Variants in LMO7 observed in about 807,000 individuals in gnomAD.
The protein encoded by LMO7 is LIM domain 7.
Under a neutral mutation model 206.5 loss-of-function variants are expected in LMO7, and 120 were observed. That is an observed-to-expected ratio of 0.58 (90% CI 0.50 to 0.68). LMO7 has a LOEUF of 0.68. LMO7 is among the 30% of genes least tolerant of loss of function. LMO7 has a pLI of 0.00. For synonymous variants in LMO7, 706 were observed against 681.5 expected (o/e 1.04, Z -0.56); for missense variants, 1,959 against 1,957.9 (o/e 1.00, Z -0.01).
At chr13:75,731,642 A>C (rs2045236871) in intron 3 of LMO7, among the ~76,000 whole-genome samples, 2 of 151,316 alleles carry the variant, frequency 1.3e-5, no homozygotes, top group South Asian at 4.2e-4. Context: ...TAAAGTTAAT[A>C]TTGTTATGTG....
intron 16 of LMO7, among the ~76,000 whole-genome samples, 155 bp from the exon 17 acceptor site, chr13:75,834,071 A>G (rs1201052375): frequency 3.3e-5 from 5 of 152,202 alleles, no homozygotes; most frequent in Admixed American, 1.3e-4. Flanking sequence ...TGTTGTACTC[A>G]GATATTTGGT....
chr13:75,636,900 C>T (rs2035943567), intron 1 of LMO7, among the ~76,000 whole-genome samples, 174 bp downstream of exon 1: 1 of 152,230 alleles, frequency 6.6e-6, no homozygotes, highest in African/African-American at 2.4e-5. Flanking sequence ...TCTGCCGCTC[C>T]TGCATCTTAT....
chr13:75,698,199 A>G (rs2042030664), intron 1 of LMO7, among the ~76,000 whole-genome samples: 1 of 152,238 alleles, frequency 6.6e-6, no homozygotes, highest in South Asian at 2.1e-4. Flanking sequence ...AGAATTTCAT[A>G]TTAAAATATT....
chr13:75,840,458 A>G lies in LMO7; in HGVS notation c.3545A>G (p.Gln1182Arg). 6.2e-7 allele frequency: 1 copy of G among 1,614,006 alleles called. No homozygotes were observed. The highest frequency in any genetic ancestry group is 8.5e-7 in the Non-Finnish European group (1 of 1,179,968). The change falls in exon 22 of 31, where the codon CAG (glutamine) becomes CGG (arginine). Residue 1182 changes from glutamine to arginine, a missense_variant. By Grantham distance (43) the Gln-to-Arg change is conservative (BLOSUM62 1). Coordinates refer to ENST00000377534, the MANE Select transcript of LMO7 (RefSeq NM_001306080.2). ...VWDQEEERKR[Q>R]ERWQKEQDRL... is the part of the protein sequence containing the mutation. Reference sequence around the variant, plus strand: ...GATCAAGAGGAGGAGCGGAAGCGGCAGGAGAGGTGGCAGAAGGAGCAGGAC... The same window carrying G: ...GATCAAGAGGAGGAGCGGAAGCGGCGGGAGAGGTGGCAGAAGGAGCAGGAC...
chr13:75,677,521 TTACATAATCCAGCCAAA>T (rs1398031906), intron 1 of LMO7, among the ~76,000 whole-genome samples: 7 of 152,258 alleles, frequency 4.6e-5, no homozygotes, highest in African/African-American at 7.2e-5. Context: ...ACATGTGAAG[TTACATAATCCAGCCAAA>T]TACATAATCC....
chr13:75,826,463 T>C (rs139129810), intron 15 of LMO7, among the ~76,000 whole-genome samples: 5 of 152,346 alleles, frequency 3.3e-5, no homozygotes, highest in African/African-American at 1.2e-4. Context: ...ACTTGCCTGA[T>C]GCCAGGTTGG....
intron 1 of LMO7, among the ~76,000 whole-genome samples, chr13:75,679,915 T>C (rs1235956130): frequency 2.0e-5 from 3 of 152,188 alleles, no homozygotes; most frequent in Non-Finnish European, 2.9e-5. Context: ...AATTTTTATT[T>C]TATTTTAAGT....
chr13:75,809,113 G>T (rs1159632168), intron 10 of LMO7, 41 bp from the exon 11 acceptor site: 3 of 1,513,244 alleles, frequency 2.0e-6, no homozygotes, highest in Non-Finnish European at 2.8e-6. Flanking sequence ...AATATGACTG[G>T]GAAAAATGAC....
chr13:75,676,478 A>T (rs533813768), intron 1 of LMO7, among the ~76,000 whole-genome samples: 1 of 152,320 alleles, frequency 6.6e-6, no homozygotes, highest in African/African-American at 2.4e-5. Context: ...GAACCTTCTA[A>T]GCAATGTGGT....
At chr13:75,747,044 G>A (rs1213337797) in intron 3 of LMO7, among the ~76,000 whole-genome samples, 2 of 152,036 alleles carry the variant, frequency 1.3e-5, no homozygotes, top group Non-Finnish European at 2.9e-5. Flanking sequence ...AAGCAATAAA[G>A]TGTAGCTAAT....
intron 1 of LMO7, among the ~76,000 whole-genome samples, chr13:75,678,656 C>T (rs1453496539): frequency 1.3e-5 from 2 of 152,200 alleles, no homozygotes; most frequent in Non-Finnish European, 2.9e-5. Context: ...CTCCTCCTCT[C>T]AGTGTACACA....
chr13:75,819,289 T>C, intron 12 of LMO7, 104 bp from the exon 13 acceptor site: 1 of 1,328,776 alleles, frequency 7.5e-7, no homozygotes, highest in Non-Finnish European at 1.0e-6. Flanking sequence ...CCAGTTGGAG[T>C]GAATAGTTTC....
At chr13:75,683,521 C>A (rs1223536635) in intron 1 of LMO7, among the ~76,000 whole-genome samples, 1 of 152,128 alleles carries the variant, frequency 6.6e-6, no homozygotes, top group East Asian at 1.9e-4. Context: ...TAGCAGATTT[C>A]TAGTCAGCTA....
At chr13:75,827,468 G>T (rs79532956) in intron 15 of LMO7, among the ~76,000 whole-genome samples, 13,713 of 152,226 alleles carry the variant, frequency 0.09, 874 homozygotes, top group South Asian at 0.2. Context: ...AAAATCTGCC[G>T]ATAGGAATTT....
At chr13:75,709,010 A>C (rs2042871892) in intron 1 of LMO7, among the ~76,000 whole-genome samples, 1 of 149,760 alleles carries the variant, frequency 6.7e-6, no homozygotes, top group African/African-American at 2.5e-5. Context: ...ATGTGTTCTC[A>C]TTGTTCAGTT....
At chr13:75,822,852 T>A (rs1303733040) in intron 14 of LMO7, among the ~76,000 whole-genome samples, 1 of 145,410 alleles carries the variant, frequency 6.9e-6, no homozygotes, top group Non-Finnish European at 1.5e-5. Context: ...ATAAAACTTT[T>A]GCTCCAGCAA....
At position 75,834,375 on chromosome 13, in the gene LMO7, T is replaced by C; in HGVS notation, c.3214T>C (p.Tyr1072His). 6.3e-7 allele frequency: 1 copy of C among 1,596,790 alleles called. No individual in the cohort carries two copies. The highest frequency in any genetic ancestry group is 8.5e-7 in the Non-Finnish European group (1 of 1,172,138). ...ACACCTAGTGATGGATGTGAGGCGC[T>C]ATGGAAAGGCTGGTGAGTTTGTGTT... Reference protein sequence around the residue: ...TGHLVMDVRRYGKAGSPETKW... With the variant: ...TGHLVMDVRRHGKAGSPETKW... Residue 1072 changes from tyrosine to histidine, a missense_variant, in exon 17 of 31, where the codon TAT becomes CAT. Transcript: ENST00000377534.
chr13:75,855,136 C>A, intron 28 of LMO7, 124 bp from the exon 29 acceptor site: 2 of 549,424 alleles, frequency 3.6e-6, no homozygotes, highest in Non-Finnish European at 3.2e-6. Context: ...GTTATTCTCC[C>A]ACAGATATAT....
At chr13:75,628,865 C>T (rs971199863) in intron 2 of LMO7, among the ~76,000 whole-genome samples, 2 of 152,198 alleles carry the variant, frequency 1.3e-5, no homozygotes, top group Non-Finnish European at 2.9e-5. Flanking sequence ...ATCCTAACTC[C>T]TCTCCACCCT....
Sources: allele counts gnomAD v4.1 joint callset (sites outside exome capture counted in the v4.1 genomes callset), GRCh38; gene constraint gnomAD v4.1.1; transcripts MANE v1.5; gene names NCBI Gene and HGNC (gene_info 2026-07-23, HGNC 2026-07-21).